PDIA6: variants seen among roughly 807,000 people sequenced by gnomAD.
PDIA6 encodes protein disulfide-isomerase A6.
A neutral mutation model predicts 58.4 loss-of-function variants in PDIA6; 29 were observed. The observed-to-expected ratio is 0.50, with a 90% CI of 0.37 to 0.68. PDIA6 has a LOEUF of 0.68. Among genes scored for constraint, PDIA6 ranks in the 30% least tolerant of loss-of-function variants. PDIA6 has a pLI of 0.00. For missense variants in PDIA6, 480 were observed against 551.0 expected (o/e 0.87, Z 1.29); for synonymous variants, 192 against 202.6 (o/e 0.95, Z 0.44).
intron 2 of PDIA6, among the ~76,000 whole-genome samples, chr2:10,817,974 C>T (rs535118459): frequency 4.0e-5 from 6 of 150,510 alleles, no homozygotes; most frequent in Non-Finnish European, 7.4e-5. Context: ...AGGGTAGATC[C>T]GACAGGGGAC....
intron 1 of PDIA6, chr2:10,810,254 TA>T: frequency 6.7e-7 from 1 of 1,492,920 alleles, no homozygotes; most frequent in Non-Finnish European, 9.0e-7. Flanking sequence ...TAAGATCATA[TA>T]ATTAGATAGA....
At chr2:10,834,773 T>C (rs1667793795), upstream of PDIA6, among the ~76,000 whole-genome samples, 1 of 134,736 alleles carries the variant, frequency 7.4e-6, no homozygotes, top group Admixed American at 7.7e-5. Flanking sequence ...CTTCCTTCCT[T>C]CCGTTCTTTC....
intron 11 of PDIA6, among the ~76,000 whole-genome samples, chr2:10,786,406 C>T (rs547096547): frequency 1.3e-5 from 2 of 152,214 alleles, no homozygotes; most frequent in East Asian, 1.9e-4. Flanking sequence ...TGCCCCCCGC[C>T]GGCAGAGGCT....
At chr2:10,833,327 T>C (rs1303466496), upstream of PDIA6, among the ~76,000 whole-genome samples, 3 of 152,194 alleles carry the variant, frequency 2.0e-5, no homozygotes, top group Admixed American at 2.0e-4. Flanking sequence ...CCGCAGTTGT[T>C]AATCATCCTT....
chr2:10,823,692 C>G (rs1667467872), intron 1 of PDIA6, among the ~76,000 whole-genome samples: 1 of 152,218 alleles, frequency 6.6e-6, no homozygotes, highest in South Asian at 2.1e-4. Flanking sequence ...CCCTTAGAGT[C>G]AACAATGTTA....
Position 10,787,424 on chromosome 2 carries a change from T to C in PDIA6, c.1014A>G (p.Glu338=). The part of the protein sequence containing the change: ...KKKMWGWLWT[E]AGAQSELETA... ...TCTCAAGTTCAGACTGGGCTCCAGC[T>C]TCTGTCCACAGCCACCTAGAAAACC... The change falls in exon 11 of 13, where the codon GAA becomes GAG. Residue 338 remains glutamate (E), a synonymous_variant. Coordinates refer to ENST00000272227, the MANE Select transcript of PDIA6 (RefSeq NM_005742.4). The C allele has an allele frequency of 4.3e-6, 7 of 1,613,306 alleles. No individual in the cohort carries two copies. Among genetic ancestry groups the C allele is most frequent in the Non-Finnish European group, 5.9e-6 (7 of 1,179,614 alleles).
At position 10,784,953 on chromosome 2, in the gene PDIA6, C is replaced by T. The variant is rs1465087052; in HGVS notation, c.1235G>A (p.Trp412Ter). 1 of 1,588,734 alleles carries T rather than the reference C, an allele frequency of 6.3e-7. No individual in the cohort carries two copies. Among genetic ancestry groups the T allele is most frequent in the Non-Finnish European group, 8.6e-7 (1 of 1,166,188 alleles). Residue 412 changes from tryptophan (W) to a stop codon, truncating the protein, a stop_gained, in exon 12 of 13, where the codon TGG becomes TAG. Coordinates refer to ENST00000272227, the MANE Select transcript of PDIA6 (RefSeq NM_005742.4). LOFTEE classifies it high-confidence loss of function. Reference protein sequence around the residue: ...AFPTIVEREPWDGRDGELPVE... With the variant: ...AFPTIVEREP ...ACTCACCTCGCCATCCCTGCCGTCCCAAGGCTCTCTCTCAACGATGGTAGG... is the reference window on the plus strand; with the variant it reads ...ACTCACCTCGCCATCCCTGCCGTCCTAAGGCTCTCTCTCAACGATGGTAGG...
At position 10,787,488 on chromosome 2, in the gene PDIA6, T is replaced by C. The variant is rs750512117; in HGVS notation, c.999-49A>G. The C allele has an allele frequency of 5.1e-5, 78 of 1,541,444 alleles. 3 individuals are homozygous for C. In the South Asian group the frequency reaches 9.0e-4, roughly 18 times the overall value. On this transcript the variant is annotated intron_variant, in intron 10 of 12. Coordinates refer to ENST00000272227, the MANE Select transcript of PDIA6 (RefSeq NM_005742.4). The stretch of plus-strand genomic sequence containing the variant: ...GGGCAAATATGTCTTTTAAATTGCT[T>C]ACGATCTAACTAGAAGATCTTAGAG...
intron 5 of PDIA6, among the ~76,000 whole-genome samples, chr2:10,792,665 C>T (rs1299475249): frequency 6.6e-6 from 1 of 152,222 alleles, no homozygotes; most frequent in Non-Finnish European, 1.5e-5. Context: ...TCTCTCTCTT[C>T]TTCCCTATCC....
chr2:10,837,247 A>G (rs1667847725), upstream of PDIA6, among the ~76,000 whole-genome samples: 1 of 152,180 alleles, frequency 6.6e-6, no homozygotes, highest in African/African-American at 2.4e-5. Context: ...CCAGGACACC[A>G]CCAGCCCAGC....
chr2:10,797,138 C>T lies in PDIA6; in HGVS notation c.289G>A (p.Gly97Arg). The change falls in exon 4 of 13, where the codon GGA becomes AGA. Residue 97 changes from glycine to arginine, a missense_variant. Physicochemically the swap from Gly to Arg is moderately radical, Grantham distance 125. Transcript: ENST00000272227. ...HSLGGQYGVQGFPTIKIFGSN... is the reference protein window; with the variant it reads ...HSLGGQYGVQRFPTIKIFGSN... Reference sequence around the variant, plus strand: ...CCAAAAATCTTAATGGTAGGAAATCCCTGAACACCATACTGACCTCCTAGG... The same window carrying T: ...CCAAAAATCTTAATGGTAGGAAATCTCTGAACACCATACTGACCTCCTAGG... 1 of 1,612,734 alleles carries T rather than the reference C, an allele frequency of 6.2e-7. No homozygotes were observed. The highest frequency in any genetic ancestry group is 8.5e-7 in the Non-Finnish European group (1 of 1,178,872).
intron 11 of PDIA6, among the ~76,000 whole-genome samples, chr2:10,785,877 C>T (rs190016716): frequency 1.9e-4 from 29 of 152,284 alleles, no homozygotes; most frequent in Admixed American, 1.7e-3. Flanking sequence ...CACACCTGGC[C>T]TATTTTTTGT....
At chr2:10,807,645 T>G (rs963925147) in intron 1 of PDIA6, among the ~76,000 whole-genome samples, 6 of 152,254 alleles carry the variant, frequency 3.9e-5, no homozygotes, top group African/African-American at 1.4e-4. Context: ...ACATGCCATC[T>G]TAGTTACATT....
At chr2:10,828,439 AC>A (rs1240992357) in intron 1 of PDIA6, among the ~76,000 whole-genome samples, 1 of 152,138 alleles carries the variant, frequency 6.6e-6, no homozygotes, top group Non-Finnish European at 1.5e-5. Context: ...AGCCTGGAGC[AC>A]CCTGTTCCAG....
At chr2:10,805,568 C>A (rs1400558159) in intron 1 of PDIA6, among the ~76,000 whole-genome samples, 2 of 83,482 alleles carry the variant, frequency 2.4e-5, no homozygotes, top group South Asian at 5.5e-4. Flanking sequence ...GGGTATATAC[C>A]CAAAGGACTA....
At chr2:10,834,125 C>G (rs1308768087), upstream of PDIA6, among the ~76,000 whole-genome samples, 1 of 152,260 alleles carries the variant, frequency 6.6e-6, no homozygotes, top group Non-Finnish European at 1.5e-5. Flanking sequence ...CAACGCAGAT[C>G]TGGGGAAAGA....
upstream of PDIA6, among the ~76,000 whole-genome samples, chr2:10,815,765 G>A (rs1376561458): frequency 6.6e-6 from 1 of 152,104 alleles, no homozygotes; most frequent in Non-Finnish European, 1.5e-5. Context: ...GGCTGGTCTC[G>A]AACTCCTGAC....
intron 2 of PDIA6, among the ~76,000 whole-genome samples, chr2:10,800,346 C>G (rs191287173): frequency 2.0e-5 from 3 of 152,142 alleles, no homozygotes. Flanking sequence ...TCTCAGATTA[C>G]GGATGCTCTA....
upstream of PDIA6, among the ~76,000 whole-genome samples, chr2:10,834,721 CCCTTCCTTCCCTCCTTCCTTCCTT>C (rs201659170): frequency 0.28 from 12,400 of 45,006 alleles, 1,971 homozygotes; most frequent in East Asian, 0.66. Context: ...CTCCCTCCCT[CCCTTCCTTCCCTCCTTCCTTCCTT>C]CCTTCCTTCC....
Sources: allele counts gnomAD v4.1 joint callset (sites outside exome capture counted in the v4.1 genomes callset), GRCh38; gene constraint gnomAD v4.1.1; transcripts MANE v1.5; gene names NCBI Gene and HGNC (gene_info 2026-07-23, HGNC 2026-07-21).